The following SLC4A4 variants were observed in gnomAD, a reference collection of about 807,000 sequenced individuals.
The protein encoded by SLC4A4 is solute carrier family 4 member 4, also known as electrogenic sodium bicarbonate cotransporter 1.
SLC4A4 carries 27 observed loss-of-function variants against 111.5 expected under a neutral mutation model. The observed-to-expected ratio is 0.24, with a 90% CI of 0.18 to 0.33. SLC4A4 has a LOEUF of 0.33. Among genes scored for constraint, SLC4A4 ranks in the 10% least tolerant of loss-of-function variants. The probability of loss-of-function intolerance (pLI) is 1.00; values close to 1 mark genes in which losing one functional copy is unlikely to be tolerated. For missense variants in SLC4A4, 909 were observed against 1,315.5 expected (o/e 0.69, Z 4.78); for synonymous variants, 443 against 463.4 (o/e 0.96, Z 0.57).
At chr4:71,339,656 C>A (rs1361798676) in intron 4 of SLC4A4, 151 bp downstream of exon 4, 3 of 714,846 alleles carry the variant, frequency 4.2e-6, no homozygotes, top group Non-Finnish European at 7.2e-6. Context: ...AATTCTATTT[C>A]TTCTTTTCTT....
At chr4:71,444,594 C>T (rs1470415832) in intron 8 of SLC4A4, among the ~76,000 whole-genome samples, 3 of 152,110 alleles carry the variant, frequency 2.0e-5, no homozygotes, top group Admixed American at 2.0e-4. Flanking sequence ...CAAAAAACAG[C>T]TTGGGTCATG....
At chr4:71,178,703 G>T (rs1312167869) in intron 2 of SLC4A4, among the ~76,000 whole-genome samples, 1 of 152,130 alleles carries the variant, frequency 6.6e-6, no homozygotes. Context: ...TGAAATTGAG[G>T]CACTAATTAA....
chr4:71,421,290 C>G (rs1052510364), intron 7 of SLC4A4, among the ~76,000 whole-genome samples: 1 of 152,140 alleles, frequency 6.6e-6, no homozygotes, highest in Non-Finnish European at 1.5e-5. Context: ...AGCTAACTAT[C>G]CTAAATATAT....
intron 20 of SLC4A4, among the ~76,000 whole-genome samples, chr4:71,551,981 C>G (rs918901701): frequency 6.6e-6 from 1 of 151,886 alleles, no homozygotes; most frequent in African/African-American, 2.4e-5. Flanking sequence ...GGCTTTGAAT[C>G]TGACCTTTGC....
intron 7 of SLC4A4, among the ~76,000 whole-genome samples, chr4:71,424,471 C>A (rs1212393834): frequency 6.6e-6 from 1 of 151,882 alleles, no homozygotes; most frequent in Non-Finnish European, 1.5e-5. Context: ...TACCATTTGA[C>A]CCAGCCATCC....
chr4:71,084,382 GAC>G (rs1467515944), intron 1 of SLC4A4, among the ~76,000 whole-genome samples: 2 of 151,878 alleles, frequency 1.3e-5, no homozygotes, highest in African/African-American at 2.4e-5. Flanking sequence ...CACACCAAAT[GAC>G]AGTTTTTTAA....
At chr4:71,170,444 T>C (rs1560756520) in intron 2 of SLC4A4, among the ~76,000 whole-genome samples, 1 of 152,220 alleles carries the variant, frequency 6.6e-6, no homozygotes, top group Admixed American at 6.5e-5. Flanking sequence ...CTCAAGCCAA[T>C]AGCTGAATAT....
At chr4:71,285,735 T>A (rs1188679388) in intron 3 of SLC4A4, among the ~76,000 whole-genome samples, 1 of 152,130 alleles carries the variant, frequency 6.6e-6, no homozygotes, top group Non-Finnish European at 1.5e-5. Flanking sequence ...AATTAAATAT[T>A]TTTTTTGAAC....
At chr4:71,395,932 G>A (rs1719785389) in intron 6 of SLC4A4, among the ~76,000 whole-genome samples, 1 of 152,106 alleles carries the variant, frequency 6.6e-6, no homozygotes, top group Admixed American at 6.6e-5. Context: ...CACTTATTCA[G>A]GCAGAACTTT....
intron 3 of SLC4A4, among the ~76,000 whole-genome samples, chr4:71,256,745 A>T (rs367851255): frequency 1.3e-4 from 20 of 152,292 alleles, no homozygotes; most frequent in East Asian, 7.7e-4. Context: ...AATAGTCTGG[A>T]GGAACAAAAG....
At chr4:71,472,102 C>T (rs909772047) in intron 13 of SLC4A4, among the ~76,000 whole-genome samples, 1 of 151,910 alleles carries the variant, frequency 6.6e-6, no homozygotes, top group Non-Finnish European at 1.5e-5. Flanking sequence ...TCTTCCTGGC[C>T]TTGCTCTCTC....
At chr4:71,428,171 G>A (rs75022773) in intron 7 of SLC4A4, among the ~76,000 whole-genome samples, 3,797 of 152,190 alleles carry the variant, frequency 0.025, 158 homozygotes, top group East Asian at 0.15. Context: ...ATTGTTGTTT[G>A]CATATGGTAA....
chr4:71,526,153 C>T (rs1009437937), intron 16 of SLC4A4, among the ~76,000 whole-genome samples: 6 of 152,118 alleles, frequency 3.9e-5, no homozygotes, highest in African/African-American at 1.4e-4. Context: ...GCACCCCTAC[C>T]TGTCTTCTCT....
chr4:71,449,618 A>C (rs892734617), intron 9 of SLC4A4, among the ~76,000 whole-genome samples: 4 of 152,200 alleles, frequency 2.6e-5, no homozygotes, highest in Non-Finnish European at 5.9e-5. Context: ...AGGGTATTGA[A>C]CAGGGACCAT....
intron 2 of SLC4A4, among the ~76,000 whole-genome samples, chr4:71,141,928 T>G (rs969478665): frequency 6.6e-6 from 1 of 152,244 alleles, no homozygotes; most frequent in Admixed American, 6.5e-5. Flanking sequence ...GGTAGCTACT[T>G]TCTAACCTTT....
intron 7 of SLC4A4, among the ~76,000 whole-genome samples, chr4:71,420,291 GAAT>G (rs1158629773): frequency 2.0e-5 from 3 of 152,162 alleles, no homozygotes; most frequent in Non-Finnish European, 4.4e-5. Context: ...AGAGAAAAAA[GAAT>G]AAAAAGAAAC....
intron 3 of SLC4A4, among the ~76,000 whole-genome samples, chr4:71,256,972 T>A (rs957215539): frequency 1.3e-5 from 2 of 152,094 alleles, no homozygotes; most frequent in Non-Finnish European, 2.9e-5. Context: ...AGTAAAGAGG[T>A]GCTCACCTAG....
chr4:71,357,978 G>A (rs570039712), intron 6 of SLC4A4, among the ~76,000 whole-genome samples: 1 of 152,220 alleles, frequency 6.6e-6, no homozygotes, highest in South Asian at 2.1e-4. Flanking sequence ...TGGCTGATAG[G>A]ATTAGGTCTA....
chr4:71,422,794 A>T (rs1230176296), intron 7 of SLC4A4, among the ~76,000 whole-genome samples: 1 of 152,202 alleles, frequency 6.6e-6, no homozygotes, highest in Non-Finnish European at 1.5e-5. Flanking sequence ...ACAACCCTTC[A>T]TGCTGAAAAC....
Sources: allele counts gnomAD v4.1 joint callset (sites outside exome capture counted in the v4.1 genomes callset), GRCh38; gene constraint gnomAD v4.1.1; transcripts MANE v1.5; gene names NCBI Gene and HGNC (gene_info 2026-07-23, HGNC 2026-07-21).